Variants in RPS6KA2 observed in about 807,000 individuals in gnomAD.
RPS6KA2 encodes ribosomal protein S6 kinase A2, also known as ribosomal protein S6 kinase alpha-2.
A neutral mutation model predicts 91.8 loss-of-function variants in RPS6KA2; 42 were observed. That is an observed-to-expected ratio of 0.46 (90% CI 0.36 to 0.59). The LOEUF is 0.59. RPS6KA2 is among the 20% of genes least tolerant of loss of function. The probability of loss-of-function intolerance (pLI) is 0.00; values close to 1 mark genes in which losing one functional copy is unlikely to be tolerated. For synonymous variants in RPS6KA2, 414 were observed against 393.6 expected (o/e 1.05, Z -0.61); for missense variants, 798 against 978.5 (o/e 0.82, Z 2.46).
chr6:166,632,855 G>A (rs372348763), intron 2 of RPS6KA2, among the ~76,000 whole-genome samples: 1 of 152,110 alleles, frequency 6.6e-6, no homozygotes, highest in Non-Finnish European at 1.5e-5. Flanking sequence ...ACAGGGTCGG[G>A]GAGAGGCAGA....
In RPS6KA2 at chr6:166,794,008, T is replaced by C. The variant is rs1419596864; in HGVS notation, c.123+64192A>G. ...CAAAAGACAAAATTGACAAATGGGA[T>C]CTAATTAAACTAAAGAGCTTCTGCA... is the stretch of plus-strand genomic sequence containing the variant. On this transcript the variant is annotated intron_variant, in intron 2 of 21. Coordinates refer to the RPS6KA2 transcript ENST00000503859. Among the ~76,000 whole-genome samples, 3 of 140,024 alleles carry C rather than the reference T, an allele frequency of 2.1e-5. No homozygotes were observed. In the Admixed American group the frequency reaches 2.2e-4, roughly 10 times the overall value. The allele number at this position is 140,024 out of a possible 152,430, so 91.9% of individuals were successfully genotyped here. A position where few individuals can be genotyped will look rare whatever the true frequency, so the allele number is the denominator to read the frequency against.
chr6:166,687,530 GT>G (rs1789061712), intron 2 of RPS6KA2, among the ~76,000 whole-genome samples: 1 of 152,206 alleles, frequency 6.6e-6, no homozygotes, highest in African/African-American at 2.4e-5. Context: ...GGAAGAGGTG[GT>G]TTGGAGGGAA....
intron 2 of RPS6KA2, among the ~76,000 whole-genome samples, chr6:166,742,385 C>T (rs17517640): frequency 0.14 from 21,888 of 152,192 alleles, 1,698 homozygotes; most frequent in Admixed American, 0.18. Flanking sequence ...GTATCCTCTC[C>T]GGTGTGGGTC....
At chr6:166,565,769 C>A (rs1213244917) in intron 1 of RPS6KA2, among the ~76,000 whole-genome samples, 1 of 152,156 alleles carries the variant, frequency 6.6e-6, no homozygotes, top group East Asian at 1.9e-4. Flanking sequence ...CTGTGTGGGC[C>A]AACAGGACGG....
intron 1 of RPS6KA2, among the ~76,000 whole-genome samples, chr6:166,623,522 T>C (rs1408161708): frequency 2.0e-5 from 3 of 152,232 alleles, no homozygotes; most frequent in Non-Finnish European, 4.4e-5. Flanking sequence ...CAGTGACTCA[T>C]AGGCCAGACA....
intron 10 of RPS6KA2, among the ~76,000 whole-genome samples, chr6:166,478,698 A>C (rs1452627200): frequency 2.6e-5 from 4 of 152,168 alleles, no homozygotes; most frequent in African/African-American, 9.7e-5. Context: ...AGAGAAAGAA[A>C]AGTGTCAGAT....
At chr6:166,619,421 C>G (rs891297895) in intron 1 of RPS6KA2, among the ~76,000 whole-genome samples, 1 of 152,268 alleles carries the variant, frequency 6.6e-6, no homozygotes, top group African/African-American at 2.4e-5. Context: ...CAAAGTCAAC[C>G]AATCAACAGA....
intron 2 of RPS6KA2, among the ~76,000 whole-genome samples, chr6:166,531,518 G>T (rs1783276362): frequency 6.6e-6 from 1 of 152,216 alleles, no homozygotes; most frequent in Non-Finnish European, 1.5e-5. Context: ...ATCACTATGT[G>T]CCTGTATGAA....
intron 10 of RPS6KA2, among the ~76,000 whole-genome samples, chr6:166,479,385 C>T (rs1181576695): frequency 6.6e-6 from 1 of 152,254 alleles, no homozygotes; most frequent in East Asian, 1.9e-4. Context: ...AGGCGGTGGC[C>T]CCAGCCACGG....
chr6:166,669,812 C>G (rs1673908945), intron 2 of RPS6KA2, among the ~76,000 whole-genome samples: 1 of 152,252 alleles, frequency 6.6e-6, no homozygotes, highest in Non-Finnish European at 1.5e-5. Flanking sequence ...TCATTCCTCA[C>G]TGGTGATTCC....
At chr6:166,819,613 A>G (rs892604392) in intron 2 of RPS6KA2, among the ~76,000 whole-genome samples, 1 of 152,210 alleles carries the variant, frequency 6.6e-6, no homozygotes, top group African/African-American at 2.4e-5. Flanking sequence ...GTATGAGTAT[A>G]CTATACTTCA....
chr6:166,712,311 C>G (rs1789886401), intron 2 of RPS6KA2, among the ~76,000 whole-genome samples: 1 of 152,200 alleles, frequency 6.6e-6, no homozygotes. Context: ...AGAAGGAGCT[C>G]TCAAATGCTC....
Position 166,828,396 on chromosome 6 carries a change from A to G in RPS6KA2, c.123+29804T>C, listed in dbSNP as rs143670534. On this transcript the variant is annotated intron_variant, in intron 2 of 21. Coordinates refer to the RPS6KA2 transcript ENST00000503859. ...ACTGCCACGCCAGTCCCCAGTGCTA[A>G]ATGACAAACCACGTTGGGCTCATGC... Among the ~76,000 whole-genome samples the G allele has an allele frequency of 8.5e-5, 13 of 152,344 alleles. 1 individual carries two copies. The South Asian group carries it at 1.9e-3, about 22-fold the overall frequency.
chr6:166,787,879 G>GA (rs1487928441), intron 2 of RPS6KA2, among the ~76,000 whole-genome samples: 1 of 146,596 alleles, frequency 6.8e-6, no homozygotes, highest in Non-Finnish European at 1.5e-5. Flanking sequence ...GCATCAGACT[G>GA]AACAGGCAAC....
At chr6:166,691,484 T>C (rs530745802) in intron 2 of RPS6KA2, among the ~76,000 whole-genome samples, 2 of 152,208 alleles carry the variant, frequency 1.3e-5, no homozygotes, top group Admixed American at 1.3e-4. Context: ...TGCTCCTGGC[T>C]CTCTCTCCTG....
chr6:166,471,303 G>C (rs1453648407), intron 10 of RPS6KA2, among the ~76,000 whole-genome samples: 1 of 152,204 alleles, frequency 6.6e-6, no homozygotes. Flanking sequence ...TCGTTGGCTG[G>C]AACTGCCCGT....
chr6:166,686,733 T>C (rs530695212), intron 2 of RPS6KA2, among the ~76,000 whole-genome samples: 1 of 152,356 alleles, frequency 6.6e-6, no homozygotes, highest in African/African-American at 2.4e-5. Flanking sequence ...GTCACTGCTT[T>C]TAACTGTGCT....
chr6:166,700,155 A>G (rs1437707074), intron 2 of RPS6KA2, among the ~76,000 whole-genome samples: 1 of 152,228 alleles, frequency 6.6e-6, no homozygotes, highest in Admixed American at 6.5e-5. Context: ...TAAACAAAAA[A>G]CTGCAGTCTC....
At chr6:166,504,643 A>G in intron 5 of RPS6KA2, 31 bp from the exon 6 acceptor site, 1 of 1,476,460 alleles carries the variant, frequency 6.8e-7, no homozygotes, top group South Asian at 1.2e-5. Flanking sequence ...ACAAAAACAA[A>G]AAACGTTTAA....
Sources: gnomAD v4.1 joint callset for allele counts (sites outside exome capture counted in the v4.1 genomes callset) on GRCh38, gnomAD v4.1.1 for gene constraint, MANE v1.5 for transcripts, NCBI Gene and HGNC (gene_info 2026-07-23, HGNC 2026-07-21) for gene names.